DMXL2: variants seen among roughly 807,000 people sequenced by gnomAD.
The protein encoded by DMXL2 is Dmx like 2.
DMXL2 carries 103 observed loss-of-function variants against 331.1 expected under a neutral mutation model. The observed-to-expected ratio is 0.31, with a 90% CI of 0.27 to 0.37. The LOEUF (loss-of-function observed/expected upper bound fraction) is 0.37. DMXL2 is among the 10% of genes least tolerant of loss of function. The pLI is 1.00. For missense variants in DMXL2, 3,171 were observed against 3,642.9 expected, an observed-to-expected ratio of 0.87 and a Z score of 3.33; for synonymous variants, 1,281 against 1,252.1, an observed-to-expected ratio of 1.02 and a Z score of -0.49.
intron 33 of DMXL2, among the ~76,000 whole-genome samples, chr15:51,462,700 C>A (rs1031664): frequency 0.47 from 71,253 of 151,946 alleles, 17,209 homozygotes; most frequent in Non-Finnish European, 0.52. Flanking sequence ...ACTGCTCATT[C>A]CCTCACTAAT....
rs2040911971 is a variant in DMXL2 at position 51,469,607 on chromosome 15, C to T, written c.7392+1616G>A. Among the ~76,000 whole-genome samples, 4 of 152,068 alleles carry T rather than the reference C, an allele frequency of 2.6e-5. No homozygotes were observed. The South Asian group carries it at 6.2e-4, about 24-fold the overall frequency. ...TATTTCCCTTCTTTATAATATTTTG[C>T]ATTTTCCAAATTTTCAGAACATATA... On this transcript the variant is annotated intron_variant, in intron 29 of 43. Coordinates refer to ENST00000560891, the MANE Select transcript of DMXL2 (RefSeq NM_001378457.1).
At chr15:51,538,156 G>A in intron 10 of DMXL2, 57 bp downstream of exon 10, 1 of 1,547,602 alleles carries the variant, frequency 6.5e-7, no homozygotes, top group East Asian at 2.3e-5. Flanking sequence ...ACTAAAAGTG[G>A]TACCACAGAA....
intron 1 of DMXL2, among the ~76,000 whole-genome samples, chr15:51,611,560 A>G (rs183761324): frequency 2.0e-5 from 3 of 152,322 alleles, no homozygotes; most frequent in African/African-American, 7.2e-5. Context: ...CAAATTATCT[A>G]CAAGGGCATA....
intron 31 of DMXL2, 82 bp downstream of exon 31, chr15:51,465,484 C>A: frequency 3.1e-6 from 3 of 977,292 alleles, no homozygotes; most frequent in South Asian, 2.8e-5. Context: ...TACCAAATGA[C>A]CTTATATATA....
At chr15:51,585,917 C>T (rs7178462) in intron 1 of DMXL2, among the ~76,000 whole-genome samples, 2 of 152,188 alleles carry the variant, frequency 1.3e-5, no homozygotes, top group African/African-American at 2.4e-5. Flanking sequence ...TTAACTCCCA[C>T]CCACCACAAG....
intron 1 of DMXL2, among the ~76,000 whole-genome samples, chr15:51,616,766 G>A (rs2054306833): frequency 6.6e-6 from 1 of 151,884 alleles, no homozygotes; most frequent in African/African-American, 2.4e-5. Flanking sequence ...GTGAAATCCT[G>A]TCTCTACTAA....
intron 12 of DMXL2, 74 bp downstream of exon 12, chr15:51,536,092 T>C (rs905687212): frequency 7.6e-7 from 1 of 1,307,874 alleles, no homozygotes; most frequent in African/African-American, 1.5e-5. Flanking sequence ...TGACAACAAA[T>C]ATAAACCATT....
intron 33 of DMXL2, 141 bp from the exon 34 acceptor site, chr15:51,459,801 A>C (rs1241138147): frequency 4.2e-6 from 5 of 1,201,716 alleles, no homozygotes; most frequent in Non-Finnish European, 5.3e-6. Flanking sequence ...GAAAAAATTA[A>C]ACCGAATAAA....
intron 6 of DMXL2, among the ~76,000 whole-genome samples, chr15:51,548,458 C>T (rs2049013029): frequency 6.6e-6 from 1 of 152,084 alleles, no homozygotes; most frequent in South Asian, 2.1e-4. Context: ...TGCCCTTAGA[C>T]AGCCACTTAA....
At chr15:51,502,448 A>T (rs1567037924) in intron 17 of DMXL2, among the ~76,000 whole-genome samples, 1 of 151,584 alleles carries the variant, frequency 6.6e-6, no homozygotes, top group Admixed American at 6.6e-5. Flanking sequence ...TCAGCTTCCC[A>T]AGTAGCTGGG....
intron 25 of DMXL2, among the ~76,000 whole-genome samples, chr15:51,479,539 GAC>G (rs1331208245): frequency 6.6e-6 from 1 of 152,092 alleles, no homozygotes; most frequent in Admixed American, 6.6e-5. Context: ...CAGTAATAAG[GAC>G]ACTCTCTCTG....
Position 51,488,722 on chromosome 15 carries a change from TG to T in DMXL2, c.4954-78del, listed in dbSNP as rs1371345888. 4.7e-6 allele frequency: 6 copies of T among 1,266,076 alleles called. No individual in the cohort carries two copies. The African/African-American group carries it at 9.1e-5, about 19-fold the overall frequency. 78.4% of individuals were successfully genotyped at this position (1,266,076 alleles called of 1,614,324 possible). A position where few individuals can be genotyped will look rare whatever the true frequency, so the allele number is the denominator to read the frequency against. On this transcript the variant is annotated intron_variant, in intron 20 of 43. Coordinates refer to ENST00000560891, the MANE Select transcript of DMXL2 (RefSeq NM_001378457.1). Reference sequence around the variant, plus strand: ...CAATTAATCAACAATAATGTTCCCCTGCTACTTCCATGGCTGATAGAAACTG... The same window carrying T: ...CAATTAATCAACAATAATGTTCCCCTCTACTTCCATGGCTGATAGAAACTG...
chr15:51,564,101 A>T, intron 5 of DMXL2, 24 bp downstream of exon 5: 1 of 1,572,500 alleles, frequency 6.4e-7, no homozygotes, highest in Non-Finnish European at 8.6e-7. Context: ...ATTAATGAAT[A>T]TAACAATAGA....
rs146664990 is a variant in DMXL2 at position 51,545,652 on chromosome 15, G to A, written c.861C>T (p.Thr287=). The change falls in exon 8 of 44, where the codon ACC becomes ACT. Residue 287 remains threonine, a synonymous_variant. Transcript: ENST00000560891. Reference sequence around the variant, plus strand: ...AAAGGCTGCTGGCAATGCTGGAAGTGGTAGTCTCACAAATCTGCTCACCCA... The same window carrying A: ...AAAGGCTGCTGGCAATGCTGGAAGTAGTAGTCTCACAAATCTGCTCACCCA... The part of the protein sequence containing the change: ...CLLGEQICET[T]TSSIASSLSH... The A allele has an allele frequency of 3.7e-4, 598 of 1,613,550 alleles. No homozygotes were observed. Among genetic ancestry groups the A allele is most frequent in the Non-Finnish European group, 4.6e-4 (541 of 1,179,722 alleles).
intron 1 of DMXL2, among the ~76,000 whole-genome samples, chr15:51,591,287 C>T (rs541553790): frequency 4.9e-4 from 75 of 152,350 alleles, no homozygotes; most frequent in African/African-American, 1.7e-3. Flanking sequence ...GAGATTATAT[C>T]CCGCGCCTGG....
At chr15:51,568,585 T>C (rs1359153185) in intron 2 of DMXL2, 27 bp from the exon 3 acceptor site, 1 of 1,441,724 alleles carries the variant, frequency 6.9e-7, no homozygotes, top group Admixed American at 2.3e-5. Context: ...ACAGCATTAA[T>C]ATCTAGAAAA....
chr15:51,620,463 G>A (rs1044050747), intron 1 of DMXL2, among the ~76,000 whole-genome samples: 1 of 152,220 alleles, frequency 6.6e-6, no homozygotes, highest in Admixed American at 6.5e-5. Context: ...AGGGGCCAAA[G>A]TGAGGAGTAC....
rs565328099 is a variant in DMXL2 at position 51,602,320 on chromosome 15, C to A, written c.87+20139G>T. Among the ~76,000 whole-genome samples, 5 of 152,202 alleles carry A rather than the reference C, an allele frequency of 3.3e-5. 1 individual carries two copies. Among genetic ancestry groups the A allele is most frequent in the African/African-American group, 7.2e-5 (3 of 41,526 alleles). ...TCACAGAAAGGGAGGAAAAATTCTC[C>A]CTTTATCTTTTTTTTCCCTTTTCTC... On this transcript the variant is annotated intron_variant, in intron 1 of 43. Coordinates refer to ENST00000560891, the MANE Select transcript of DMXL2 (RefSeq NM_001378457.1).
intron 13 of DMXL2, among the ~76,000 whole-genome samples, chr15:51,523,030 C>T (rs2047465086): frequency 6.6e-6 from 1 of 152,196 alleles, no homozygotes; most frequent in Non-Finnish European, 1.5e-5. Context: ...CCTCTACCTA[C>T]AGAACAATAT....
Sources: allele counts gnomAD v4.1 joint callset (sites outside exome capture counted in the v4.1 genomes callset), GRCh38; gene constraint gnomAD v4.1.1; transcripts MANE v1.5; gene names NCBI Gene and HGNC (gene_info 2026-07-23, HGNC 2026-07-21).